Variants in CENPL observed in about 807,000 individuals in gnomAD.
CENPL encodes centromere protein L.
CENPL carries 20 observed loss-of-function variants against 35.2 expected under a neutral mutation model. The ratio of observed to expected loss-of-function variants is 0.57; its 90% CI spans 0.40 to 0.83. The LOEUF (loss-of-function observed/expected upper bound fraction) is 0.83, where lower values mean the gene tolerates loss of function less well. Among genes scored for constraint, CENPL ranks in the 40% least tolerant of loss-of-function variants. The pLI is 0.00. For synonymous variants in CENPL, 140 were observed against 140.6 expected (o/e 1.00, Z 0.03); for missense variants, 363 against 395.8 (o/e 0.92, Z 0.70).
In CENPL at chr1:173,811,141, CG is replaced by C. The variant is rs1557846630; in HGVS notation, c.158del (p.Ser53CysfsTer25). 1 of 1,611,646 alleles carries C rather than the reference CG, an allele frequency of 6.2e-7. No individual in the cohort carries two copies. Among genetic ancestry groups the C allele is most frequent in the Admixed American group, 1.7e-5 (1 of 59,966 alleles). ...TPPRRKIPQC[S>X]QLQEDVDPQK... is the part of the protein sequence containing the mutation. ...GACACAAAAAGCATACCTGCAACTGCGAACACTGGGGAATTTTCCTTCGAGG... is the reference window on the plus strand; with the variant it reads ...GACACAAAAAGCATACCTGCAACTGCAACACTGGGGAATTTTCCTTCGAGG... On this transcript the variant is annotated frameshift_variant, in exon 3 of 6. Coordinates refer to ENST00000682279, the MANE Select transcript of CENPL (RefSeq NM_001387287.1). LOFTEE classifies it high-confidence loss of function.
intron 2 of CENPL, among the ~76,000 whole-genome samples, chr1:173,817,223 C>T (rs1033544768): frequency 6.6e-6 from 1 of 151,898 alleles, no homozygotes; most frequent in Non-Finnish European, 1.5e-5. Context: ...AGGCAATCTA[C>T]AGAATGGGAG....
At chr1:173,804,886 C>T (rs976823879) in intron 4 of CENPL, among the ~76,000 whole-genome samples, 2 of 152,166 alleles carry the variant, frequency 1.3e-5, no homozygotes, top group Non-Finnish European at 2.9e-5. Context: ...AGCTTTGTAT[C>T]ATACCCCTTC....
chr1:173,801,915 C>G (rs1433555651), intron 5 of CENPL, among the ~76,000 whole-genome samples: 2 of 151,562 alleles, frequency 1.3e-5, no homozygotes, highest in East Asian at 3.9e-4. Context: ...CCCAGCTACT[C>G]AGGAGGCTGA....
intron 4 of CENPL, among the ~76,000 whole-genome samples, chr1:173,805,509 CAAA>C (rs1409340810): frequency 2.6e-5 from 2 of 78,192 alleles, no homozygotes; most frequent in Non-Finnish European, 2.8e-5. Context: ...GAAGCTGTCT[CAAA>C]AAAAAAAAAA....
chr1:173,818,020 G>A (rs1487258936), intron 2 of CENPL, among the ~76,000 whole-genome samples: 2 of 152,196 alleles, frequency 1.3e-5, no homozygotes, highest in Admixed American at 6.5e-5. Context: ...CAGTGGCTGG[G>A]GGAGGGATAG....
At chr1:173,816,309 T>C (rs931506010) in intron 2 of CENPL, among the ~76,000 whole-genome samples, 3 of 152,190 alleles carry the variant, frequency 2.0e-5, no homozygotes, top group Admixed American at 2.0e-4. Flanking sequence ...CCAATGACTT[T>C]CTTCACAGAA....
At chr1:173,805,692 A>ATATT (rs1311468874) in intron 4 of CENPL, among the ~76,000 whole-genome samples, 1 of 152,100 alleles carries the variant, frequency 6.6e-6, no homozygotes, top group Non-Finnish European at 1.5e-5. Flanking sequence ...TGGAACTTGA[A>ATATT]TATAATGTTT....
intron 2 of CENPL, among the ~76,000 whole-genome samples, chr1:173,814,912 A>C (rs1651205482): frequency 6.6e-6 from 1 of 152,170 alleles, no homozygotes; most frequent in South Asian, 2.1e-4. Flanking sequence ...TTTTTTGAAA[A>C]GATCAATAAA....
chr1:173,803,421 T>C lies in CENPL; in HGVS notation c.505A>G (p.Ser169Gly), dbSNP rs757321947. Reference protein sequence around the residue: ...TGWFCCVFGDSLLETVSEDFT... With the variant: ...TGWFCCVFGDGLLETVSEDFT... ...TCTTCTGAAACAGTCTCCAGAAGAC[T>C]GTCTCCAAATACACAGCAGAACCAG... The change falls in exon 5 of 6, where the codon AGT (serine) becomes GGT (glycine). Residue 169 changes from serine to glycine, a missense_variant. Transcript: ENST00000682279. 41 of 1,614,042 alleles carry C rather than the reference T, an allele frequency of 2.5e-5. No homozygotes were observed. Among genetic ancestry groups the C allele is most frequent in the African/African-American group, 4.0e-5 (3 of 74,940 alleles).
intron 2 of CENPL, among the ~76,000 whole-genome samples, chr1:173,817,501 A>G (rs1651521640): frequency 6.6e-6 from 1 of 152,224 alleles, no homozygotes; most frequent in Non-Finnish European, 1.5e-5. Context: ...AAAGTCAGGA[A>G]ACAACAGATG....
At chr1:173,808,057 T>C (rs1181229411) in intron 3 of CENPL, among the ~76,000 whole-genome samples, 2 of 152,154 alleles carry the variant, frequency 1.3e-5, no homozygotes, top group Non-Finnish European at 2.9e-5. Context: ...CCTCAAACTA[T>C]AGATTTCAAA....
At chr1:173,803,755 TCCA>T (rs1382570252) in intron 4 of CENPL, among the ~76,000 whole-genome samples, 1 of 151,504 alleles carries the variant, frequency 6.6e-6, no homozygotes, top group Non-Finnish European at 1.5e-5. Flanking sequence ...CACTGCAACC[TCCA>T]CCTCCTGGGT....
intron 2 of CENPL, chr1:173,823,685 A>G (rs1652232293): frequency 6.6e-6 from 1 of 152,176 alleles, no homozygotes; most frequent in African/African-American, 2.4e-5. Context: ...TGTGGTTCAC[A>G]GCACACAAGT....
At chr1:173,822,057 T>C (rs1466088325) in intron 2 of CENPL, 1 of 152,170 alleles carries the variant, frequency 6.6e-6, no homozygotes, top group Non-Finnish European at 1.5e-5. Context: ...TTTCTAACAT[T>C]AAAAATTTGT....
chr1:173,815,738 T>G (rs974618772), intron 2 of CENPL, among the ~76,000 whole-genome samples: 2 of 152,170 alleles, frequency 1.3e-5, no homozygotes, highest in Admixed American at 6.5e-5. Context: ...TCATACTGAA[T>G]GGGCAAAAAC....
chr1:173,804,962 T>G (rs1257094886), intron 4 of CENPL, among the ~76,000 whole-genome samples: 1 of 152,192 alleles, frequency 6.6e-6, no homozygotes, highest in East Asian at 1.9e-4. Context: ...TGAAAGACTC[T>G]CAAATAGCTG....
rs1649575610 is a variant in CENPL at position 173,799,589 on chromosome 1, G to A, written c.*859C>T. 6.6e-6 allele frequency: 1 copy of A among 152,148 alleles called. No individual in the cohort carries two copies. The highest frequency in any genetic ancestry group is 1.5e-5 in the Non-Finnish European group (1 of 68,024). The allele number at this position is 152,148 out of a possible 1,614,324, so 9.4% of individuals were successfully genotyped here. The stretch of plus-strand genomic sequence containing the variant: ...AACATTTAATTCAACATTGCAACAG[G>A]AGTTGAACTGTATTTAAAACAGAAG... On this transcript the variant is annotated 3_prime_UTR_variant, in exon 6 of 6. Transcript: ENST00000682279.
intron 4 of CENPL, chr1:173,806,520 G>A (rs1393349334): frequency 1.4e-5 from 6 of 439,388 alleles, no homozygotes; most frequent in Non-Finnish European, 2.3e-5. Context: ...GGAGACAGAG[G>A]TTGCAGTCAA....
In CENPL at chr1:173,803,098, G is replaced by A. The variant is rs1395260360; in HGVS notation, c.828C>T (p.Thr276=). 6.2e-7 allele frequency: 1 copy of A among 1,614,026 alleles called. No individual in the cohort carries two copies. Among genetic ancestry groups the A allele is most frequent in the Admixed American group, 1.7e-5 (1 of 60,016 alleles). The change falls in exon 5 of 6, where the codon ACC becomes ACT. Residue 276 remains threonine (T), a synonymous_variant. Coordinates refer to ENST00000682279, the MANE Select transcript of CENPL (RefSeq NM_001387287.1). ...DSVHKTPGEV[T]QEEVDLFMDC... is the part of the protein sequence containing the mutation. ...CCATGAATAGGTCAACTTCTTCCTGGGTAACCTCCCCAGGTGTTTTGTGGA... is the reference window on the plus strand; with the variant it reads ...CCATGAATAGGTCAACTTCTTCCTGAGTAACCTCCCCAGGTGTTTTGTGGA...
Sources: allele counts gnomAD v4.1 joint callset (sites outside exome capture counted in the v4.1 genomes callset), GRCh38; gene constraint gnomAD v4.1.1; transcripts MANE v1.5; gene names NCBI Gene and HGNC (gene_info 2026-07-23, HGNC 2026-07-21).